MEI4: variants seen among roughly 807,000 people sequenced by gnomAD.
MEI4 encodes meiosis-specific protein MEI4.
Under a neutral mutation model 31.4 loss-of-function variants are expected in MEI4, and 27 were observed. The observed-to-expected ratio is 0.86, with a 90% CI of 0.63 to 1.19. The LOEUF is 1.19. Ranked by LOEUF, MEI4 falls within the 50% of genes most tolerant of loss-of-function variation. The pLI, the probability that MEI4 is intolerant of heterozygous loss-of-function variation, is 0.00. For missense variants in MEI4, 329 were observed against 398.9 expected (o/e 0.82, Z 1.49); for synonymous variants, 122 against 145.4 (o/e 0.84, Z 1.16).
At chr6:77,858,032 A>C in intron 4 of MEI4, among the ~76,000 whole-genome samples, 1 of 152,314 alleles carries the variant, frequency 6.6e-6, no homozygotes, top group East Asian at 1.9e-4. Flanking sequence ...ATAATGCCTA[A>C]AACTATAAAA....
At chr6:77,686,380 T>C (rs1431201720) in intron 1 of MEI4, among the ~76,000 whole-genome samples, 1 of 152,136 alleles carries the variant, frequency 6.6e-6, no homozygotes, top group Non-Finnish European at 1.5e-5. Context: ...TCTTTCCCTC[T>C]TTTTATCTTT....
intron 3 of MEI4, among the ~76,000 whole-genome samples, chr6:77,764,197 G>C (rs1037906770): frequency 1.4e-4 from 22 of 152,020 alleles, no homozygotes; most frequent in African/African-American, 5.1e-4. Flanking sequence ...TTCAGTTTTG[G>C]TAAGTTGCAT....
At chr6:77,803,981 C>T (rs1186053566) in intron 3 of MEI4, among the ~76,000 whole-genome samples, 2 of 152,164 alleles carry the variant, frequency 1.3e-5, no homozygotes, top group East Asian at 1.9e-4. Context: ...CTGGGAGAAC[C>T]ACTGCTCTCT....
chr6:77,804,581 T>C (rs1296845184), intron 3 of MEI4, among the ~76,000 whole-genome samples: 3 of 152,196 alleles, frequency 2.0e-5, no homozygotes, highest in Non-Finnish European at 4.4e-5. Flanking sequence ...TGTTCCTATT[T>C]GGCCATCTTG....
At chr6:77,744,413 TAGAGAAAAA>T (rs1473194941) in intron 2 of MEI4, among the ~76,000 whole-genome samples, 1 of 151,744 alleles carries the variant, frequency 6.6e-6, no homozygotes, top group Middle Eastern at 3.2e-3. Context: ...AAGAGAAGTT[TAGAGAAAAA>T]AGAATAAAAA....
intron 3 of MEI4, among the ~76,000 whole-genome samples, chr6:77,766,938 C>T (rs1768190983): frequency 6.6e-6 from 1 of 152,080 alleles, no homozygotes; most frequent in South Asian, 2.1e-4. Flanking sequence ...GCTAACTTTC[C>T]AACAACCTTA....
intron 4 of MEI4, among the ~76,000 whole-genome samples, chr6:77,860,178 C>A (rs1770834539): frequency 1.3e-5 from 2 of 152,184 alleles, no homozygotes; most frequent in Admixed American, 6.5e-5. Context: ...TAATTAGCAG[C>A]AGAATGTGGA....
intron 1 of MEI4, among the ~76,000 whole-genome samples, chr6:77,686,577 C>T (rs1769058339): frequency 2.0e-5 from 3 of 151,962 alleles, no homozygotes. Flanking sequence ...CAAATATTTT[C>T]AAAAACATTT....
At chr6:77,716,357 G>A (rs1264433011) in intron 2 of MEI4, among the ~76,000 whole-genome samples, 2 of 152,130 alleles carry the variant, frequency 1.3e-5, no homozygotes, top group African/African-American at 4.8e-5. Flanking sequence ...ATACCACAAG[G>A]TGTGGAAGTG....
chr6:77,789,411 T>C (rs1375734852), intron 3 of MEI4, among the ~76,000 whole-genome samples: 2 of 152,182 alleles, frequency 1.3e-5, no homozygotes, highest in African/African-American at 4.8e-5. Flanking sequence ...AAATGGGATC[T>C]AATTAAGCTA....
intron 4 of MEI4, among the ~76,000 whole-genome samples, chr6:77,866,490 A>T (rs1243705365): frequency 7.9e-5 from 12 of 152,332 alleles, no homozygotes; most frequent in African/African-American, 2.9e-4. Context: ...CTTCAAAGAG[A>T]ATAAAATACC....
chr6:77,915,367 C>T (rs1367134239), intron 4 of MEI4, among the ~76,000 whole-genome samples: 4 of 152,012 alleles, frequency 2.6e-5, no homozygotes, highest in African/African-American at 4.8e-5. Context: ...CTGGGAAATA[C>T]TTAATTTCTC....
chr6:77,896,500 A>C (rs1766087853), intron 4 of MEI4, among the ~76,000 whole-genome samples: 1 of 152,090 alleles, frequency 6.6e-6, no homozygotes, highest in Non-Finnish European at 1.5e-5. Flanking sequence ...TAACCAGAGA[A>C]TATGTTTAAA....
In MEI4 at chr6:77,851,745, A is replaced by C. The variant is rs62425067; in HGVS notation, c.900+22683A>C. Among the ~76,000 whole-genome samples the C allele has an allele frequency of 2.4e-3, 369 of 152,090 alleles. 3 individuals are homozygous for C. Among genetic ancestry groups the C allele is most frequent in the Admixed American group, 2.6e-3 (39 of 15,262 alleles). Reference sequence around the variant, plus strand: ...CATGTATACATATGTAGCAAACCTGAACGTTGTGCACATGTACCCTAGAAC... The same window carrying C: ...CATGTATACATATGTAGCAAACCTGCACGTTGTGCACATGTACCCTAGAAC... On this transcript the variant is annotated intron_variant, in intron 4 of 4. Transcript: ENST00000684080.
intron 4 of MEI4, among the ~76,000 whole-genome samples, chr6:77,908,024 G>C (rs1440981351): frequency 6.7e-6 from 1 of 149,236 alleles, no homozygotes; most frequent in Non-Finnish European, 1.5e-5. Context: ...ATTTGTTTGA[G>C]TTCATTGTAG....
intron 3 of MEI4, among the ~76,000 whole-genome samples, chr6:77,764,075 G>A (rs1768108256): frequency 1.3e-5 from 2 of 152,168 alleles, no homozygotes; most frequent in Non-Finnish European, 2.9e-5. Flanking sequence ...GTCTCCCAAA[G>A]TGCTGGGATT....
chr6:77,678,555 A>G (rs144282151), intron 1 of MEI4, among the ~76,000 whole-genome samples: 1 of 5,326 alleles, frequency 1.9e-4, no homozygotes, highest in Non-Finnish European at 2.7e-4. Flanking sequence ...GGAGCCATCA[A>G]TGTTTGTGGT....
intron 4 of MEI4, among the ~76,000 whole-genome samples, chr6:77,901,202 A>G (rs552117878): frequency 6.6e-6 from 1 of 152,138 alleles, no homozygotes; most frequent in Non-Finnish European, 1.5e-5. Flanking sequence ...TCTTTGACAT[A>G]ATGATTTTTA....
intron 2 of MEI4, among the ~76,000 whole-genome samples, chr6:77,715,742 T>C (rs1282968010): frequency 6.6e-6 from 1 of 152,200 alleles, no homozygotes; most frequent in Non-Finnish European, 1.5e-5. Context: ...AACTTCAGTG[T>C]GTGAATAATT....
Sources: gnomAD v4.1 joint callset for allele counts (sites outside exome capture counted in the v4.1 genomes callset) on GRCh38, gnomAD v4.1.1 for gene constraint, MANE v1.5 for transcripts, NCBI Gene and HGNC (gene_info 2026-07-23, HGNC 2026-07-21) for gene names.